The following TBCK variants were observed in gnomAD, a reference collection of about 807,000 sequenced individuals.
The protein encoded by TBCK is TBC1 domain containing kinase.
TBCK carries 99 observed loss-of-function variants against 113.4 expected under a neutral mutation model. That is an observed-to-expected ratio of 0.87 (90% CI 0.74 to 1.03). TBCK has a LOEUF of 1.03. Ranked by LOEUF, TBCK falls within the 50% of genes least tolerant of loss-of-function variation. The pLI is 0.00. For missense variants in TBCK, 1,045 were observed against 1,061.3 expected, an observed-to-expected ratio of 0.98 and a Z score of 0.21; for synonymous variants, 369 against 370.8, an observed-to-expected ratio of 1.00 and a Z score of 0.05.
intron 3 of TBCK, among the ~76,000 whole-genome samples, chr4:106,286,077 T>C (rs1469088534): frequency 6.6e-6 from 1 of 152,240 alleles, no homozygotes; most frequent in Admixed American, 6.5e-5. Context: ...GTACTGAATG[T>C]TATATTCCAA....
intron 25 of TBCK, among the ~76,000 whole-genome samples, chr4:106,091,122 T>C (rs1740176468): frequency 6.6e-6 from 1 of 152,232 alleles, no homozygotes; most frequent in Non-Finnish European, 1.5e-5. Context: ...GATGGTTAAC[T>C]GGCTCACAGT....
chr4:106,122,463 C>T (rs999251507), intron 23 of TBCK, among the ~76,000 whole-genome samples: 4 of 152,136 alleles, frequency 2.6e-5, no homozygotes, highest in Admixed American at 1.3e-4. Context: ...GGAACTGGTA[C>T]CATTCCTTCT....
At chr4:106,128,746 A>G (rs1745521158) in intron 23 of TBCK, among the ~76,000 whole-genome samples, 1 of 152,172 alleles carries the variant, frequency 6.6e-6, no homozygotes, top group Admixed American at 6.6e-5. Context: ...TCCTAAAATA[A>G]ATCATATTTT....
At chr4:106,235,672 T>C (rs968298980) in intron 14 of TBCK, among the ~76,000 whole-genome samples, 2 of 152,060 alleles carry the variant, frequency 1.3e-5, no homozygotes, top group Admixed American at 1.3e-4. Flanking sequence ...AGGATAATAG[T>C]ACCAGTCTCA....
chr4:106,153,197 T>TA lies in TBCK; in HGVS notation c.2235+17897dup, dbSNP rs1456830589. 2.6e-5 allele frequency among the ~76,000 whole-genome samples: 4 copies of TA among 152,180 alleles called. No individual in the cohort carries two copies. In the East Asian group the frequency reaches 7.7e-4, roughly 29 times the overall value. On this transcript the variant is annotated intron_variant, in intron 23 of 25. Transcript: ENST00000394708. ...TTTCTTCTTTTTTGATGTAGGCACT[T>TA]ATAGCTATTAACTTCCCTCAGTACT... is the stretch of plus-strand genomic sequence containing the variant.
At position 106,260,524 on chromosome 4, in the gene TBCK, G is replaced by GA. The variant is rs1207637087; in HGVS notation, c.382-15dup. ...TTTAATATGTCCCTATGATAATAAA[G>GA]AAAAAAAACACTATCAAATAATTTA... is the stretch of plus-strand genomic sequence containing the variant. On this transcript the variant is annotated splice_polypyrimidine_tract_variant and intron_variant, in intron 4 of 25. Coordinates refer to ENST00000394708, the MANE Select transcript of TBCK (RefSeq NM_001163435.3). 1.5e-4 allele frequency: 135 copies of GA among 874,092 alleles called. No individual in the cohort carries two copies. The highest frequency in any genetic ancestry group is 3.2e-4 in the South Asian group (10 of 31,214). 54.1% of individuals were successfully genotyped at this position (874,092 alleles called of 1,614,324 possible). A position where few individuals can be genotyped will look rare whatever the true frequency, so the allele number is the denominator to read the frequency against.
intron 22 of TBCK, among the ~76,000 whole-genome samples, chr4:106,189,859 C>T (rs1345289897): frequency 1.3e-5 from 2 of 152,110 alleles, no homozygotes; most frequent in Non-Finnish European, 2.9e-5. Context: ...CTCCTCTCCA[C>T]TTTCCCATTT....
At chr4:106,223,239 T>C (rs1757898221) in intron 19 of TBCK, among the ~76,000 whole-genome samples, 1 of 152,162 alleles carries the variant, frequency 6.6e-6, no homozygotes, top group Non-Finnish European at 1.5e-5. Context: ...CCTTTCTAAA[T>C]ACATAACTTT....
intron 25 of TBCK, among the ~76,000 whole-genome samples, chr4:106,074,580 A>G (rs1479535510): frequency 6.6e-6 from 1 of 152,234 alleles, no homozygotes; most frequent in Non-Finnish European, 1.5e-5. Context: ...AATAGAACAC[A>G]GAAACCAATG....
At chr4:106,193,793 A>C in intron 21 of TBCK, 23 bp from the exon 22 acceptor site, 4 of 1,464,022 alleles carry the variant, frequency 2.7e-6, no homozygotes, top group Non-Finnish European at 3.6e-6. Context: ...AAAAATACAA[A>C]TAAATTAAAA....
At chr4:106,138,452 G>A (rs930385278) in intron 23 of TBCK, among the ~76,000 whole-genome samples, 1 of 141,530 alleles carries the variant, frequency 7.1e-6, no homozygotes, top group Admixed American at 7.0e-5. Context: ...AGATTCAGAA[G>A]TGATTCTAAT....
chr4:106,212,695 T>C (rs901949686), intron 20 of TBCK, 55 bp downstream of exon 20: 7 of 1,318,514 alleles, frequency 5.3e-6, no homozygotes, highest in Non-Finnish European at 7.6e-6. Context: ...TCTGTGCTAA[T>C]AATTTCTGCT....
intron 23 of TBCK, among the ~76,000 whole-genome samples, chr4:106,135,595 T>C (rs975916566): frequency 7.1e-6 from 1 of 141,178 alleles, no homozygotes; most frequent in Non-Finnish European, 1.6e-5. Context: ...GAAAACCAAG[T>C]AGGGTTTGGA....
intron 5 of TBCK, among the ~76,000 whole-genome samples, chr4:106,258,932 T>C (rs1762250415): frequency 6.6e-6 from 1 of 151,906 alleles, no homozygotes; most frequent in Non-Finnish European, 1.5e-5. Context: ...TTCATGCTTA[T>C]GAAACAAGAA....
intron 22 of TBCK, among the ~76,000 whole-genome samples, chr4:106,174,295 C>G (rs1414848328): frequency 3.3e-5 from 5 of 151,984 alleles, no homozygotes; most frequent in Admixed American, 3.3e-4. Flanking sequence ...ACACATTATC[C>G]AGCAGCTACA....
At chr4:106,234,363 T>C (rs983072877) in intron 15 of TBCK, among the ~76,000 whole-genome samples, 2 of 152,136 alleles carry the variant, frequency 1.3e-5, no homozygotes, top group East Asian at 1.9e-4. Context: ...AAGGTATTTG[T>C]AGACTCTTAT....
chr4:106,074,376 A>G (rs1440654775), intron 25 of TBCK, among the ~76,000 whole-genome samples: 1 of 152,228 alleles, frequency 6.6e-6, no homozygotes, highest in Non-Finnish European at 1.5e-5. Flanking sequence ...TTAAATTTAC[A>G]TGTATGTAAA....
intron 23 of TBCK, among the ~76,000 whole-genome samples, chr4:106,136,244 A>G (rs1281236191): frequency 7.1e-6 from 1 of 140,934 alleles, no homozygotes; most frequent in African/African-American, 2.5e-5. Context: ...GGTAAATTAA[A>G]ACAATAAATA....
intron 23 of TBCK, among the ~76,000 whole-genome samples, chr4:106,121,874 A>G: frequency 6.6e-6 from 1 of 152,150 alleles, no homozygotes; most frequent in East Asian, 1.9e-4. Context: ...CATTCAAAGC[A>G]GTGTGTAGAG....
Sources: gnomAD v4.1 joint callset for allele counts (sites outside exome capture counted in the v4.1 genomes callset) on GRCh38, gnomAD v4.1.1 for gene constraint, MANE v1.5 for transcripts, NCBI Gene and HGNC (gene_info 2026-07-23, HGNC 2026-07-21) for gene names.